Variants in AKAP13 observed in about 807,000 individuals in gnomAD.
The protein encoded by AKAP13 is A-kinase anchoring protein 13.
AKAP13 carries 80 observed loss-of-function variants against 264.5 expected under a neutral mutation model. That is an observed-to-expected ratio of 0.30 (90% confidence interval 0.25 to 0.36). The LOEUF (loss-of-function observed/expected upper bound fraction) is 0.36. Ranked by LOEUF, AKAP13 falls within the 10% of genes least tolerant of loss-of-function variation. The pLI is 1.00. For missense variants in AKAP13, 3,712 were observed against 3,435.2 expected (o/e 1.08, Z -2.01); for synonymous variants, 1,380 against 1,250.2 (o/e 1.10, Z -2.19).
intron 19 of AKAP13, among the ~76,000 whole-genome samples, chr15:85,713,988 C>G (rs2151706540): frequency 6.6e-6 from 1 of 152,248 alleles, no homozygotes; most frequent in East Asian, 1.9e-4. Flanking sequence ...CCTTGAATAA[C>G]TCGGATGATA....
At chr15:85,422,457 C>G (rs1596117728) in intron 1 of AKAP13, among the ~76,000 whole-genome samples, 2 of 152,182 alleles carry the variant, frequency 1.3e-5, no homozygotes, top group African/African-American at 4.8e-5. Context: ...GTTCAGTTTT[C>G]AAGTTATGCA....
intron 3 of AKAP13, among the ~76,000 whole-genome samples, chr15:85,531,220 A>ATGCACCACTCCTCTCCCCAGATTGCAC (rs2077231836): frequency 6.6e-6 from 1 of 152,172 alleles, no homozygotes; most frequent in Admixed American, 6.5e-5. Flanking sequence ...CACATATGGA[A>ATGCACCACTCCTCTCCCCAGATTGCAC]TGCACCACTC....
chr15:85,497,998 A>G (rs1255814009), intron 2 of AKAP13, among the ~76,000 whole-genome samples: 3 of 152,020 alleles, frequency 2.0e-5, no homozygotes, highest in African/African-American at 4.8e-5. Context: ...CAGGAAGAAC[A>G]TATGGATTTT....
intron 3 of AKAP13, among the ~76,000 whole-genome samples, chr15:85,523,973 T>C (rs16940876): frequency 0.011 from 1,610 of 152,340 alleles, 38 homozygotes; most frequent in African/African-American, 0.034. Flanking sequence ...GTCAAGAATC[T>C]GCATGGAAAG....
intron 1 of AKAP13, among the ~76,000 whole-genome samples, chr15:85,458,379 A>ATTTTTT (rs937688611): frequency 6.5e-5 from 7 of 107,512 alleles, no homozygotes; most frequent in African/African-American, 3.8e-4. Flanking sequence ...CTTTTTTTGT[A>ATTTTTT]TTTTTTGTTT....
chr15:85,475,624 G>A (rs2075133844), intron 1 of AKAP13, among the ~76,000 whole-genome samples: 1 of 152,172 alleles, frequency 6.6e-6, no homozygotes, highest in Non-Finnish European at 1.5e-5. Context: ...CCCCAGCTCT[G>A]GTCCCTATTA....
rs2079108658 is a variant in AKAP13, at chr15:85,579,122, A to G, written c.1054A>G (p.Ser352Gly). 6.2e-7 allele frequency: 1 copy of G among 1,614,188 alleles called. No individual in the cohort carries two copies. Among genetic ancestry groups the G allele is most frequent in the African/African-American group, 1.3e-5 (1 of 75,038 alleles). Reference protein sequence around the residue: ...CPGSPVAQTESPCDLSSIVEE... With the variant: ...CPGSPVAQTEGPCDLSSIVEE... ...AGGGAGCCCTGTTGCACAGACTGAA[A>G]GTCCCTGTGATTTGTCAAGCATAGT... The change falls in exon 7 of 37, where the codon AGT becomes GGT. Residue 352 changes from serine (S) to glycine (G), a missense_variant. Around this residue, in one of 3 missense-constraint regions of AKAP13, gnomAD observed 2,759 missense variants for 2,411.7 expected, o/e 1.14. Coordinates refer to ENST00000394518, the MANE Select transcript of AKAP13 (RefSeq NM_007200.5).
At chr15:85,741,583 A>G (rs1426243704) in intron 35 of AKAP13, 88 bp downstream of exon 35, 1 of 1,454,460 alleles carries the variant, frequency 6.9e-7, no homozygotes, top group African/African-American at 1.4e-5. Context: ...GTGAGCAGAA[A>G]TATAGAGCCT....
At chr15:85,546,082 C>T (rs1396739480) in intron 5 of AKAP13, among the ~76,000 whole-genome samples, 1 of 152,114 alleles carries the variant, frequency 6.6e-6, no homozygotes, top group African/African-American at 2.4e-5. Flanking sequence ...CAACATTTGT[C>T]TTTCTGTGTC....
intron 1 of AKAP13, among the ~76,000 whole-genome samples, chr15:85,463,020 TCTC>T: frequency 2.1e-5 from 1 of 48,134 alleles, no homozygotes; most frequent in Non-Finnish European, 3.8e-5. Flanking sequence ...CGAGACTCCG[TCTC>T]AAAAAAAAAA....
chr15:85,530,614 T>C (rs1252551668), intron 3 of AKAP13, among the ~76,000 whole-genome samples: 1 of 152,198 alleles, frequency 6.6e-6, no homozygotes, highest in Non-Finnish European at 1.5e-5. Flanking sequence ...TTGACATTTA[T>C]TGACATTTAT....
chr15:85,683,765 C>A (rs539298407), intron 15 of AKAP13, among the ~76,000 whole-genome samples: 179 of 152,216 alleles, frequency 1.2e-3, no homozygotes, highest in African/African-American at 4.2e-3. Flanking sequence ...ACCGCACCTG[C>A]CCCAAATGCC....
intron 5 of AKAP13, among the ~76,000 whole-genome samples, chr15:85,567,941 GGTGTGTGTGTGTGT>G (rs57049395): frequency 3.1e-4 from 44 of 141,930 alleles, no homozygotes; most frequent in Admixed American, 1.1e-3. Context: ...AGCCCAAAGA[GGTGTGTGTGTGTGT>G]GTGTGTGTGT....
At position 85,439,974 on chromosome 15, in the gene AKAP13, AAATAATAAT is replaced by A. The variant is rs562499747; in HGVS notation, c.-11-45721_-11-45713del. On this transcript the variant is annotated intron_variant, in intron 1 of 36. Coordinates refer to ENST00000394518, the MANE Select transcript of AKAP13 (RefSeq NM_007200.5). Reference sequence around the variant, plus strand: ...ACCCTAAAACTTAAAGTATAATAAAAAATAATAATAATAATAATAATAAATAAAAACCAG... The same window carrying A: ...ACCCTAAAACTTAAAGTATAATAAAAAATAATAATAATAAATAAAAACCAG... Among the ~76,000 whole-genome samples the A allele has an allele frequency of 1.4e-5, 2 of 143,426 alleles. 1 individual carries two copies. Among genetic ancestry groups the A allele is most frequent in the Non-Finnish European group, 3.2e-5 (2 of 63,176 alleles). 94.1% of individuals were successfully genotyped at this position (143,426 alleles called of 152,430 possible).
intron 5 of AKAP13, among the ~76,000 whole-genome samples, chr15:85,559,396 T>C (rs940035944): frequency 2.0e-5 from 3 of 152,198 alleles, no homozygotes; most frequent in Non-Finnish European, 4.4e-5. Context: ...AAGACAGTTT[T>C]TTCATGGACC....
chr15:85,741,633 T>C (rs1054389522), intron 35 of AKAP13, 138 bp downstream of exon 35: 58 of 1,361,530 alleles, frequency 4.3e-5, no homozygotes, highest in Middle Eastern at 2.0e-4. Context: ...CCCAGCACTT[T>C]AGGAGGCTGA....
intron 19 of AKAP13, 21 bp from the exon 20 acceptor site, chr15:85,715,767 G>T: frequency 6.3e-7 from 1 of 1,599,214 alleles, no homozygotes; most frequent in Non-Finnish European, 8.5e-7. Flanking sequence ...TGATGCTTCA[G>T]TTAGTGTCCT....
rs529420261 is a variant in AKAP13, at chr15:85,611,616, C to G, written c.4161+25793C>G. On this transcript the variant is annotated intron_variant, in intron 8 of 36. Coordinates refer to ENST00000394518, the MANE Select transcript of AKAP13 (RefSeq NM_007200.5). Reference sequence around the variant, plus strand: ...TGACTCATCTGTCTCTAAGCTTGCTCCCTTCTGTCTTTTGAGCGTATTCCA... The same window carrying G: ...TGACTCATCTGTCTCTAAGCTTGCTGCCTTCTGTCTTTTGAGCGTATTCCA... Among the ~76,000 whole-genome samples, 3 of 152,330 alleles carry G rather than the reference C, an allele frequency of 2.0e-5. No individual in the cohort carries two copies. The South Asian group carries it at 6.2e-4, about 32-fold the overall frequency.
intron 8 of AKAP13, among the ~76,000 whole-genome samples, chr15:85,588,497 A>C (rs1361746424): frequency 6.6e-6 from 1 of 152,216 alleles, no homozygotes; most frequent in Non-Finnish European, 1.5e-5. Flanking sequence ...TTAATATTGT[A>C]GTGATTAGAG....
Sources: allele counts gnomAD v4.1 joint callset (sites outside exome capture counted in the v4.1 genomes callset), GRCh38; gene constraint gnomAD v4.1.1; regional missense constraint gnomAD v4.1.1; transcripts MANE v1.5; gene names NCBI Gene and HGNC (gene_info 2026-07-23, HGNC 2026-07-21).